TIMM23B: variants seen among roughly 807,000 people sequenced by gnomAD.
TIMM23B encodes translocase of inner mitochondrial membrane 23 homolog B, also known as mitochondrial import inner membrane translocase subunit Tim23B.
In TIMM23B, 27 loss-of-function variants were observed where a neutral mutation model predicts 27.3. That is an observed-to-expected ratio of 0.99 (90% CI 0.73 to 1.36). The LOEUF (loss-of-function observed/expected upper bound fraction) is 1.36, where lower values mean the gene tolerates loss of function less well. Among genes scored for constraint, TIMM23B ranks in the 40% most tolerant of loss-of-function variants. The pLI is 0.00. For missense variants in TIMM23B, 205 were observed against 244.2 expected (o/e 0.84, Z 1.07); for synonymous variants, 73 against 92.4 (o/e 0.79, Z 1.21).
chr10:49,967,998 G>C (rs1437636096), intron 6 of TIMM23B, among the ~76,000 whole-genome samples: 12 of 151,858 alleles, frequency 7.9e-5, no homozygotes, highest in Non-Finnish European at 1.5e-4. Context: ...GAAATCTCCT[G>C]TTTTTAAAAT....
chr10:49,967,677 G>A (rs1260179612), intron 6 of TIMM23B, among the ~76,000 whole-genome samples: 3 of 152,124 alleles, frequency 2.0e-5, no homozygotes, highest in African/African-American at 4.8e-5. Flanking sequence ...TTATGTTGGA[G>A]GTGTTCCAGA....
At chr10:49,949,124 C>T (rs1284074805) in intron 2 of TIMM23B, among the ~76,000 whole-genome samples, 1 of 150,430 alleles carries the variant, frequency 6.6e-6, no homozygotes, top group Admixed American at 6.6e-5. Flanking sequence ...CTCTTAACTC[C>T]TGGCCTCAAG....
At chr10:49,944,998 T>A (rs1417594640) in intron 1 of TIMM23B, 34 bp from the exon 2 acceptor site, 13 of 1,558,988 alleles carry the variant, frequency 8.3e-6, no homozygotes, top group Non-Finnish European at 1.1e-5. Flanking sequence ...CTTAAAGAAT[T>A]TTGTTGCAAT....
In TIMM23B at chr10:49,944,946, A is replaced by T. The variant is rs1839309086; in HGVS notation, c.107-86A>T. On this transcript the variant is annotated intron_variant, in intron 1 of 6. Coordinates refer to ENST00000651259, the MANE Select transcript of TIMM23B (RefSeq NM_001290117.2). ...CAGTGAGCCTATAAAAATTGCAAAC[A>T]CATGTAACAATCAGGAGCTGGATTA... 1.9e-6 allele frequency: 3 copies of T among 1,546,970 alleles called. No homozygotes were observed. In the East Asian group the frequency reaches 6.8e-5, roughly 35 times the overall value.
At chr10:49,969,380 T>C (rs1173441670) in intron 6 of TIMM23B, among the ~76,000 whole-genome samples, 1 of 144,874 alleles carries the variant, frequency 6.9e-6, no homozygotes, top group Non-Finnish European at 1.5e-5. Flanking sequence ...AAAGCTGCAG[T>C]GTGCCTTCAT....
intron 1 of TIMM23B, among the ~76,000 whole-genome samples, chr10:49,944,282 T>G (rs1205588477): frequency 2.6e-5 from 4 of 152,096 alleles, no homozygotes; most frequent in African/African-American, 9.7e-5. Context: ...TGGACTAGGA[T>G]GGTAGCAATA....
chr10:49,956,528 A>C (rs1319234705), intron 5 of TIMM23B, among the ~76,000 whole-genome samples: 6 of 145,344 alleles, frequency 4.1e-5, no homozygotes, highest in African/African-American at 1.5e-4. Flanking sequence ...TGAAAATTTT[A>C]AATATTCTTC....
At chr10:49,953,338 G>A (rs1483507627) in intron 4 of TIMM23B, among the ~76,000 whole-genome samples, 28 of 152,268 alleles carry the variant, frequency 1.8e-4, no homozygotes, top group African/African-American at 6.7e-4. Flanking sequence ...AAACTGGAAG[G>A]CCTGTTAAAT....
chr10:49,956,722 CCT>C (rs1839738852), intron 5 of TIMM23B, among the ~76,000 whole-genome samples: 1 of 145,678 alleles, frequency 6.9e-6, no homozygotes, highest in Non-Finnish European at 1.5e-5. Flanking sequence ...ATGAAAAGTC[CCT>C]CTCTGGATCA....
intron 4 of TIMM23B, among the ~76,000 whole-genome samples, chr10:49,954,772 T>C (rs1434284491): frequency 2.0e-5 from 3 of 149,574 alleles, no homozygotes; most frequent in African/African-American, 7.3e-5. Flanking sequence ...TAAGGACTTA[T>C]ATAAAAGTCC....
Position 49,973,370 on chromosome 10 carries a change from TTTC to T in TIMM23B, c.*312_*314del. Reference sequence around the variant, plus strand: ...ATTGCCTACATGTCAGCAAACAAATTTTCTTCTTAATAAAGAATCCAGTTGCTG... The same window carrying T: ...ATTGCCTACATGTCAGCAAACAAATTTTCTTAATAAAGAATCCAGTTGCTG... On this transcript the variant is annotated 3_prime_UTR_variant, in exon 7 of 7. Coordinates refer to ENST00000651259, the MANE Select transcript of TIMM23B (RefSeq NM_001290117.2). The T allele has an allele frequency of 1.1e-5, 4 of 377,268 alleles. No homozygotes were observed. The highest frequency in any genetic ancestry group is 2.1e-5 in the African/African-American group (1 of 47,798). The allele number at this position is 377,268 out of a possible 1,614,324, so 23.4% of individuals were successfully genotyped here.
In TIMM23B at chr10:49,942,063, G is replaced by C; in HGVS notation, c.-132G>C. 1 of 1,257,554 alleles carries C rather than the reference G, an allele frequency of 8.0e-7. No individual in the cohort carries two copies. The highest frequency in any genetic ancestry group is 1.5e-5 in the African/African-American group (1 of 66,066). The allele number at this position is 1,257,554 out of a possible 1,614,324, so 77.9% of individuals were successfully genotyped here. A position where few individuals can be genotyped will look rare whatever the true frequency, so the allele number is the denominator to read the frequency against. Reference sequence around the variant, plus strand: ...GGAAGTGTGGCGCTTAACGGGAACCGGCGCCCGGAATGTCAGCGTGTGAAG... The same window carrying C: ...GGAAGTGTGGCGCTTAACGGGAACCCGCGCCCGGAATGTCAGCGTGTGAAG... On this transcript the variant is annotated 5_prime_UTR_variant, in exon 1 of 7. Coordinates refer to ENST00000651259, the MANE Select transcript of TIMM23B (RefSeq NM_001290117.2).
intron 1 of TIMM23B, among the ~76,000 whole-genome samples, chr10:49,942,785 A>G (rs1249924201): frequency 3.3e-5 from 5 of 152,220 alleles, no homozygotes; most frequent in African/African-American, 1.2e-4. Context: ...AACCTTCTTT[A>G]GGAGCTAGGA....
At chr10:49,971,852 G>A (rs1189669564) in intron 6 of TIMM23B, among the ~76,000 whole-genome samples, 1 of 152,140 alleles carries the variant, frequency 6.6e-6, no homozygotes, top group Non-Finnish European at 1.5e-5. Flanking sequence ...CTGTGCTGTG[G>A]CATAACTGCA....
Position 49,942,238 on chromosome 10 carries a change from T to C in TIMM23B, c.44T>C (p.Leu15Ser). The change falls in exon 1 of 7, where the codon TTG (leucine) becomes TCG (serine). Residue 15 changes from leucine (L) to serine (S), a missense_variant. By Grantham distance (145) the Leu-to-Ser change is moderately radical. Coordinates refer to ENST00000651259, the MANE Select transcript of TIMM23B (RefSeq NM_001290117.2). ...GGSGDKTTGV[L>S]AGFFGAGEAG... is the part of the protein sequence containing the mutation. ...AGCGGCGACAAAACCACAGGGGTAT[T>C]GGCCGGCTTTTTCGGAGCCGGCGAA... 1 of 1,612,836 alleles carries C rather than the reference T, an allele frequency of 6.2e-7. No homozygotes were observed. Among genetic ancestry groups the C allele is most frequent in the Non-Finnish European group, 8.5e-7 (1 of 1,179,426 alleles).
Position 49,954,868 on chromosome 10 carries a change from A to C in TIMM23B, c.345-134A>C, listed in dbSNP as rs1353730461. 5.4e-5 allele frequency: 38 copies of C among 708,098 alleles called. No homozygotes were observed. In the Admixed American group the frequency reaches 9.4e-4, roughly 18 times the overall value. The allele number at this position is 708,098 out of a possible 1,614,324, so 43.9% of individuals were successfully genotyped here. ...AACCATCCTTATTGAAATCGGAGAT[A>C]TTAAGATGTATTTTAGAATTTAAAA... On this transcript the variant is annotated intron_variant, in intron 4 of 6. Transcript: ENST00000651259.
chr10:49,966,868 A>G (rs1203239956), intron 6 of TIMM23B, among the ~76,000 whole-genome samples: 1 of 152,216 alleles, frequency 6.6e-6, no homozygotes, highest in Non-Finnish European at 1.5e-5. Flanking sequence ...ATTACTCTCT[A>G]TCTGACAGCT....
At chr10:49,949,501 G>A (rs1370720687) in intron 2 of TIMM23B, among the ~76,000 whole-genome samples, 1 of 152,020 alleles carries the variant, frequency 6.6e-6, no homozygotes, top group African/African-American at 2.4e-5. Context: ...TACACTTAGA[G>A]GTTGTACTCT....
intron 2 of TIMM23B, among the ~76,000 whole-genome samples, chr10:49,945,915 C>T (rs1457491008): frequency 6.6e-5 from 10 of 151,942 alleles, no homozygotes; most frequent in South Asian, 2.1e-4. Context: ...CTAGGCTGGG[C>T]GCAGTGATTC....
Sources: gnomAD v4.1 joint callset for allele counts (sites outside exome capture counted in the v4.1 genomes callset) on GRCh38, gnomAD v4.1.1 for gene constraint, MANE v1.5 for transcripts, NCBI Gene and HGNC (gene_info 2026-07-23, HGNC 2026-07-21) for gene names.